LRRC19: variants seen among roughly 807,000 people sequenced by gnomAD.
LRRC19 encodes leucine-rich repeat-containing protein 19.
A neutral mutation model predicts 33.3 loss-of-function variants in LRRC19; 33 were observed. The observed-to-expected ratio is 0.99, with a 90% CI of 0.75 to 1.33. The LOEUF (loss-of-function observed/expected upper bound fraction) is 1.33. Among genes scored for constraint, LRRC19 ranks in the 40% most tolerant of loss-of-function variants. The pLI is 0.00. For missense variants in LRRC19, 463 were observed against 417.3 expected (o/e 1.11, Z -0.95); for synonymous variants, 184 against 152.3 (o/e 1.21, Z -1.53).
chr9:26,999,185 G>T (rs553701151), intron 2 of LRRC19, among the ~76,000 whole-genome samples: 55 of 152,264 alleles, frequency 3.6e-4, no homozygotes, highest in African/African-American at 1.3e-3. Flanking sequence ...TGGAAAGAAA[G>T]AAATAGTTCT....
Position 26,995,702 on chromosome 9 carries a change from T to C in LRRC19, c.932A>G (p.His311Arg), listed in dbSNP as rs773902693. ...LSYNHHRLEE[H>R]EAETYEDGFT... The stretch of plus-strand genomic sequence containing the variant: ...ACCATCTTCATAGGTTTCTGCTTCA[T>C]GCTCTTCCAGGCGATGATGATTATA... Residue 311 changes from histidine (H) to arginine (R), a missense_variant, in exon 5 of 5, where the codon CAT becomes CGT. His to Arg is a conservative substitution (Grantham distance 29). Transcript: ENST00000380055. 6.8e-6 allele frequency: 11 copies of C among 1,613,820 alleles called. No homozygotes were observed. Among genetic ancestry groups the C allele is most frequent in the South Asian group, 1.1e-5 (1 of 91,080 alleles).
chr9:26,997,771 TAGACTGCA>T lies in LRRC19; in HGVS notation c.544_551del (p.Cys182IlefsTer2). ...TGTTCAACCAGTTCTGCAAATTAAA[TAGACTGCA>T]AGAGCAGTTCCATAGGTTTCCATAT... On this transcript the variant is annotated frameshift_variant, in exon 3 of 5. Transcript: ENST00000380055. LOFTEE classifies it high-confidence loss of function. 6.2e-7 allele frequency: 1 copy of T among 1,611,470 alleles called. No homozygotes were observed. The highest frequency in any genetic ancestry group is 8.5e-7 in the Non-Finnish European group (1 of 1,179,434).
chr9:27,002,659 G>C (rs954157567), intron 1 of LRRC19, among the ~76,000 whole-genome samples: 1 of 152,138 alleles, frequency 6.6e-6, no homozygotes, highest in Non-Finnish European at 1.5e-5. Flanking sequence ...GATCTGTCTT[G>C]ATGCCAGTAC....
At chr9:26,997,056 C>CA (rs1828193517) in intron 3 of LRRC19, among the ~76,000 whole-genome samples, 1 of 151,544 alleles carries the variant, frequency 6.6e-6, no homozygotes, top group Admixed American at 6.6e-5. Context: ...ACTAAAAATA[C>CA]AAAAAATTAG....
In LRRC19 at chr9:27,005,636, ACT is replaced by A. The variant is rs140286494; in HGVS notation, c.-56_-55del. On this transcript the variant is annotated 5_prime_UTR_variant, in exon 1 of 5. It removes the in-frame stop codon of an upstream open reading frame in the 5' UTR. Coordinates refer to ENST00000380055, the MANE Select transcript of LRRC19 (RefSeq NM_022901.3). ...AAGACTTGTGTGCTAAAGGAAATTAACTCTGTTTCAACGGCATTAAAAAAAGT... is the reference window on the plus strand; with the variant it reads ...AAGACTTGTGTGCTAAAGGAAATTAACTGTTTCAACGGCATTAAAAAAAGT... 26 of 152,014 alleles carry A rather than the reference ACT, an allele frequency of 1.7e-4. No individual in the cohort carries two copies. The highest frequency in any genetic ancestry group is 5.8e-4 in the African/African-American group (24 of 41,490). 9.4% of individuals were successfully genotyped at this position (152,014 alleles called of 1,614,324 possible). A position where few individuals can be genotyped will look rare whatever the true frequency, so the allele number is the denominator to read the frequency against.
intron 4 of LRRC19, 50 bp downstream of exon 4, chr9:26,996,258 TTTA>T: frequency 9.7e-7 from 1 of 1,032,222 alleles, no homozygotes; most frequent in Non-Finnish European, 1.3e-6. Flanking sequence ...ACTACCTCAG[TTTA>T]TTTAGTATGA....
intron 1 of LRRC19, among the ~76,000 whole-genome samples, chr9:27,005,150 C>G (rs1209261343): frequency 6.9e-6 from 1 of 145,682 alleles, no homozygotes; most frequent in African/African-American, 2.5e-5. Context: ...GATTTAAAAC[C>G]TTTTTGTAAT....
Position 26,999,666 on chromosome 9 carries a change from A to G in LRRC19, c.29T>C (p.Phe10Ser), listed in dbSNP as rs1383052510. 1 of 1,610,754 alleles carries G rather than the reference A, an allele frequency of 6.2e-7. No individual in the cohort carries two copies. The highest frequency in any genetic ancestry group is 2.2e-5 in the East Asian group (1 of 44,826). Reference protein sequence around the residue: MKVTGITILFWPLSMILLSD... With the variant: MKVTGITILSWPLSMILLSD... ...TAATAATATCATGGAGAGGGGCCAA[A>G]AGAGGATTGTGATGCCTGTGACTTT... Residue 10 changes from phenylalanine (F) to serine (S), a missense_variant, in exon 2 of 5, where the codon TTT (phenylalanine) becomes TCT (serine). Phe to Ser is a radical substitution (Grantham distance 155). Transcript: ENST00000380055.
At chr9:27,000,044 T>A (rs1045697671) in intron 1 of LRRC19, among the ~76,000 whole-genome samples, 2 of 152,092 alleles carry the variant, frequency 1.3e-5, no homozygotes, top group African/African-American at 2.4e-5. Flanking sequence ...CCTTGAAAAG[T>A]GCTGGGATTA....
Position 26,993,743 on chromosome 9 carries a change from T to A in LRRC19, c.*1778A>T, listed in dbSNP as rs528119462. ...CAACATACACAGAAGTAGCATATTATACCCTTATTTAGCTCCCAGCTCCAT... is the reference window on the plus strand; with the variant it reads ...CAACATACACAGAAGTAGCATATTAAACCCTTATTTAGCTCCCAGCTCCAT... On this transcript the variant is annotated 3_prime_UTR_variant, in exon 5 of 5. Coordinates refer to ENST00000380055, the MANE Select transcript of LRRC19 (RefSeq NM_022901.3). The A allele has an allele frequency of 6.6e-6, 1 of 152,300 alleles. No individual in the cohort carries two copies. Among genetic ancestry groups the A allele is most frequent in the East Asian group, 1.9e-4 (1 of 5,192 alleles). 9.4% of individuals were successfully genotyped at this position (152,300 alleles called of 1,614,324 possible).
At position 26,995,278 on chromosome 9, in the gene LRRC19, T is replaced by TTA; in HGVS notation, c.*242_*243insTA. 2.9e-6 allele frequency: 1 copy of TTA among 339,740 alleles called. No individual in the cohort carries two copies. Among genetic ancestry groups the TTA allele is most frequent in the Non-Finnish European group, 5.4e-6 (1 of 184,842 alleles). 21.0% of individuals were successfully genotyped at this position (339,740 alleles called of 1,614,324 possible). A position where few individuals can be genotyped will look rare whatever the true frequency, so the allele number is the denominator to read the frequency against. On this transcript the variant is annotated 3_prime_UTR_variant, in exon 5 of 5. Coordinates refer to ENST00000380055, the MANE Select transcript of LRRC19 (RefSeq NM_022901.3). Reference sequence around the variant, plus strand: ...CTAGTTCGTATGGTCACCCAAGCACTGCTAAGAATAGTAGTGCTAGTATTG... The same window carrying TTA: ...CTAGTTCGTATGGTCACCCAAGCACTTAGCTAAGAATAGTAGTGCTAGTATTG...
At chr9:27,001,436 G>C (rs1828482712) in intron 1 of LRRC19, among the ~76,000 whole-genome samples, 1 of 152,026 alleles carries the variant, frequency 6.6e-6, no homozygotes, top group Non-Finnish European at 1.5e-5. Flanking sequence ...AGTGTATGAG[G>C]GTTCCCCTTT....
Position 26,999,705 on chromosome 9 carries a change from T to A in LRRC19, c.-9-2A>T. ...GCCTGTGACTTTCATGTTGCAGACC[T>A]GATAGAAAAGAGAGTATTTTCATTA... On this transcript the variant is annotated splice_acceptor_variant, in intron 1 of 4. Coordinates refer to ENST00000380055, the MANE Select transcript of LRRC19 (RefSeq NM_022901.3). LOFTEE classifies it low-confidence loss of function (5UTR_SPLICE). 1 of 1,583,300 alleles carries A rather than the reference T, an allele frequency of 6.3e-7. No individual in the cohort carries two copies. Among genetic ancestry groups the A allele is most frequent in the Non-Finnish European group, 8.6e-7 (1 of 1,161,858 alleles).
intron 1 of LRRC19, among the ~76,000 whole-genome samples, chr9:27,005,354 C>CG (rs1554671223): frequency 5.3e-5 from 2 of 37,572 alleles, no homozygotes; most frequent in Non-Finnish European, 8.9e-5. Context: ...AAACCATTTC[C>CG]CCCCCCGCCC....
At chr9:26,999,853 C>T in intron 1 of LRRC19, 150 bp from the exon 2 acceptor site, 1 of 541,376 alleles carries the variant, frequency 1.8e-6, no homozygotes, top group Non-Finnish European at 3.1e-6. Flanking sequence ...CTCACTGCAG[C>T]CTTGATCTCC....
chr9:27,001,420 C>T (rs1462811262), intron 1 of LRRC19, among the ~76,000 whole-genome samples: 1 of 152,120 alleles, frequency 6.6e-6, no homozygotes, highest in Non-Finnish European at 1.5e-5. Flanking sequence ...AATTTACATT[C>T]CCAAGAGTGT....
intron 1 of LRRC19, among the ~76,000 whole-genome samples, chr9:27,005,347 C>A (rs1828711852): frequency 7.1e-5 from 4 of 56,396 alleles, no homozygotes; most frequent in Non-Finnish European, 1.1e-4. Flanking sequence ...CTAGATGAAA[C>A]CATTTCCCCC....
Position 26,998,209 on chromosome 9 carries a change from A to G in LRRC19, c.114T>C (p.Tyr38=). The G allele has an allele frequency of 2.6e-6, 4 of 1,510,274 alleles. No individual in the cohort carries two copies. Among genetic ancestry groups the G allele is most frequent in the East Asian group, 2.3e-5 (1 of 43,076 alleles). The allele number at this position is 1,510,274 out of a possible 1,614,324, so 93.6% of individuals were successfully genotyped here. Residue 38 remains tyrosine, a synonymous_variant, in exon 3 of 5, where the codon TAT becomes TAC. Coordinates refer to ENST00000380055, the MANE Select transcript of LRRC19 (RefSeq NM_022901.3). ...TCTTGATATCTGCTGGAATCAAGGTATAATTTTTTTCAGTAAAATTACATT... is the reference window on the plus strand; with the variant it reads ...TCTTGATATCTGCTGGAATCAAGGTGTAATTTTTTTCAGTAAAATTACATT... ...EVQCNFTEKN[Y]TLIPADIKKD...
In LRRC19 at chr9:26,997,823, T is replaced by G. The variant is rs1258113949; in HGVS notation, c.500A>C (p.His167Pro). ...TCCATATAAAGTTATTAATTCCAGA[T>G]GAAATAGTGGTGGTACATCCAAATA... ...ISYLDVPPLF[H>P]LELITLYGNL... Residue 167 changes from histidine (H) to proline (P), a missense_variant, in exon 3 of 5, where the codon CAT becomes CCT. By Grantham distance (77) the His-to-Pro change is moderately conservative. Coordinates refer to ENST00000380055, the MANE Select transcript of LRRC19 (RefSeq NM_022901.3). 2 of 1,614,170 alleles carry G rather than the reference T, an allele frequency of 1.2e-6. No individual in the cohort carries two copies. The highest frequency in any genetic ancestry group is 1.7e-6 in the Non-Finnish European group (2 of 1,180,020).
Sources: gnomAD v4.1 joint callset for allele counts (sites outside exome capture counted in the v4.1 genomes callset) on GRCh38, gnomAD v4.1.1 for gene constraint, MANE v1.5 for transcripts, NCBI Gene and HGNC (gene_info 2026-07-23, HGNC 2026-07-21) for gene names.